Variants in SLC43A2 observed in about 807,000 individuals in gnomAD.
SLC43A2 encodes the protein large neutral amino acids transporter small subunit 4.
SLC43A2 carries 38 observed loss-of-function variants against 63.2 expected under a neutral mutation model. The ratio of observed to expected loss-of-function variants is 0.60; its 90% CI spans 0.46 to 0.79. The LOEUF (loss-of-function observed/expected upper bound fraction) is 0.79, where lower values mean the gene tolerates loss of function less well. Ranked by LOEUF, SLC43A2 falls within the 30% of genes least tolerant of loss-of-function variation. SLC43A2 has a pLI of 0.00. For synonymous variants in SLC43A2, 322 were observed against 331.0 expected (o/e 0.97, Z 0.30); for missense variants, 644 against 756.2 (o/e 0.85, Z 1.74).
At chr17:1,576,059 A>G (rs1300317863) in intron 13 of SLC43A2, among the ~76,000 whole-genome samples, 4 of 142,530 alleles carry the variant, frequency 2.8e-5, no homozygotes, top group African/African-American at 1.0e-4. Context: ...TGGGGCGGGG[A>G]CAGGAACTGT....
At chr17:1,598,131 G>C (rs1357556861) in intron 5 of SLC43A2, among the ~76,000 whole-genome samples, 5 of 151,462 alleles carry the variant, frequency 3.3e-5, no homozygotes, top group African/African-American at 4.9e-5. Context: ...AAGAAAGAAA[G>C]AAAGAAAGGG....
chr17:1,576,453 C>G (rs2075932166), intron 13 of SLC43A2, 144 bp downstream of exon 13: 1 of 858,830 alleles, frequency 1.2e-6, no homozygotes, highest in Non-Finnish European at 1.7e-6. Flanking sequence ...GCCTAGCCAC[C>G]ATTCACAAAG....
chr17:1,575,785 G>C lies in SLC43A2; in HGVS notation c.1549-20C>G. 6.3e-7 allele frequency: 1 copy of C among 1,596,888 alleles called. No homozygotes were observed. Among genetic ancestry groups the C allele is most frequent in the Non-Finnish European group, 8.5e-7 (1 of 1,171,956 alleles). On this transcript the variant is annotated intron_variant, in intron 13 of 13. Coordinates refer to ENST00000301335, the MANE Select transcript of SLC43A2 (RefSeq NM_152346.3). ...GTTCACCTGGGGAGGCAGGGAGGCC[G>C]CGCATCACAGGGCGTGGTGGTGCGC... is the stretch of plus-strand genomic sequence containing the variant.
In SLC43A2 at chr17:1,571,814, C is replaced by T. The variant is rs924361105; in HGVS notation, c.*3790G>A. On this transcript the variant is annotated 3_prime_UTR_variant, in exon 14 of 14. Coordinates refer to ENST00000301335, the MANE Select transcript of SLC43A2 (RefSeq NM_152346.3). This position sits in a 1 kb window ranked among gnomAD's most constrained non-coding sequence, Gnocchi z 5.2. ...GGCAGCAGCAGCTGCAGACAGAGGC[C>T]TAGAGGGTTTGGAGAAGGCCGACCA... is the stretch of plus-strand genomic sequence containing the variant. 6 of 152,294 alleles carry T rather than the reference C, an allele frequency of 3.9e-5. No homozygotes were observed. Among genetic ancestry groups the T allele is most frequent in the Non-Finnish European group, 8.8e-5 (6 of 68,128 alleles). 9.4% of individuals were successfully genotyped at this position (152,294 alleles called of 1,614,324 possible).
rs754642275 is a variant in SLC43A2 at position 1,585,822 on chromosome 17, G to A, written c.1217+91C>T. ...CTGGAGTGCATTGCTCTCTCCCTCT[G>A]TCCCACCCACCCTGTGCCTGACATG... On this transcript the variant is annotated intron_variant, in intron 10 of 13. Transcript: ENST00000301335. The A allele has an allele frequency of 2.2e-5, 36 of 1,605,926 alleles. No homozygotes were observed. In the African/African-American group the frequency reaches 4.4e-4, roughly 20 times the overall value.
chr17:1,586,927 A>AGGGGGCCCCCCCCC, intron 9 of SLC43A2: 7 of 1,355,934 alleles, frequency 5.2e-6, no homozygotes, highest in African/African-American at 2.9e-5. Context: ...TTCCCTGACA[A>AGGGGGCCCCCCCCC]TCCCCCCCAC....
rs1906559177 is a variant in SLC43A2, at chr17:1,605,821, C to G, written c.501+7374G>C. ...ACCTCCAAGCACATGCTGCCCGGGACAAGGTCCTTGTGGTCACCTTTCTGC... is the reference window on the plus strand; with the variant it reads ...ACCTCCAAGCACATGCTGCCCGGGAGAAGGTCCTTGTGGTCACCTTTCTGC... On this transcript the variant is annotated intron_variant, in intron 5 of 13. Transcript: ENST00000301335. The surrounding 1 kb of genome is among the most constrained non-coding windows in gnomAD (Gnocchi z 4.9). Among the ~76,000 whole-genome samples, 1 of 152,176 alleles carries G rather than the reference C, an allele frequency of 6.6e-6. No individual in the cohort carries two copies. The highest frequency in any genetic ancestry group is 2.1e-4 in the South Asian group (1 of 4,830).
In SLC43A2 at chr17:1,571,571, A is replaced by G. The variant is rs921505657; in HGVS notation, c.*4033T>C. 16 of 152,362 alleles carry G rather than the reference A, an allele frequency of 1.1e-4. No individual in the cohort carries two copies. Among genetic ancestry groups the G allele is most frequent in the African/African-American group, 3.8e-4 (16 of 41,578 alleles). 9.4% of individuals were successfully genotyped at this position (152,362 alleles called of 1,614,324 possible). On this transcript the variant is annotated 3_prime_UTR_variant, in exon 14 of 14. Coordinates refer to ENST00000301335, the MANE Select transcript of SLC43A2 (RefSeq NM_152346.3). This position sits in a 1 kb window ranked among gnomAD's most constrained non-coding sequence, Gnocchi z 5.2. Reference sequence around the variant, plus strand: ...GGGACAGTCTTATGCACGTGAGCCCAATACTGGATGTCCCGCCATTTTCAG... The same window carrying G: ...GGGACAGTCTTATGCACGTGAGCCCGATACTGGATGTCCCGCCATTTTCAG...
chr17:1,603,229 C>T (rs904904479), intron 5 of SLC43A2: 1 of 152,022 alleles, frequency 6.6e-6, no homozygotes, highest in African/African-American at 2.4e-5. Context: ...AAAAGGAAGC[C>T]GACTACAGGA....
In SLC43A2 at chr17:1,574,337, C is replaced by T. The variant is rs2075889394; in HGVS notation, c.*1267G>A. On this transcript the variant is annotated 3_prime_UTR_variant, in exon 14 of 14. Coordinates refer to ENST00000301335, the MANE Select transcript of SLC43A2 (RefSeq NM_152346.3). The stretch of plus-strand genomic sequence containing the variant: ...TCGGTGGCAGAGAATCTTGTCCTGC[C>T]TTTTCTTCTCAAGCTCAAAATAGGC... The T allele has an allele frequency of 6.6e-6, 1 of 152,568 alleles. No homozygotes were observed. The highest frequency in any genetic ancestry group is 1.9e-4 in the East Asian group (1 of 5,202). The allele number at this position is 152,568 out of a possible 1,614,324, so 9.5% of individuals were successfully genotyped here. A position where few individuals can be genotyped will look rare whatever the true frequency, so the allele number is the denominator to read the frequency against.
chr17:1,620,374 C>A (rs966015292), intron 2 of SLC43A2, among the ~76,000 whole-genome samples: 2 of 152,078 alleles, frequency 1.3e-5, no homozygotes, highest in African/African-American at 4.8e-5. Context: ...TCTCCAAACA[C>A]ACAAACAAAC....
At chr17:1,569,259 C>T (rs919332352), downstream of SLC43A2, 3 of 152,376 alleles carry the variant, frequency 2.0e-5, no homozygotes, top group South Asian at 2.1e-4. Flanking sequence ...AGGAGGAAGC[C>T]GCTCGCAGTC....
chr17:1,578,104 A>T lies in SLC43A2; in HGVS notation c.1424+146T>A. 2.7e-6 allele frequency: 2 copies of T among 732,408 alleles called. No homozygotes were observed. Among genetic ancestry groups the T allele is most frequent in the South Asian group, 3.8e-5 (2 of 52,818 alleles). 45.4% of individuals were successfully genotyped at this position (732,408 alleles called of 1,614,324 possible). Reference sequence around the variant, plus strand: ...CCTTTCCCTGAAACACCCAGCAGAAACCCTGGTACCTGTCCCCTGAAGCAG... The same window carrying T: ...CCTTTCCCTGAAACACCCAGCAGAATCCCTGGTACCTGTCCCCTGAAGCAG... On this transcript the variant is annotated intron_variant, in intron 12 of 13. Coordinates refer to ENST00000301335, the MANE Select transcript of SLC43A2 (RefSeq NM_152346.3). This position sits in a 1 kb window ranked among gnomAD's most constrained non-coding sequence, Gnocchi z 6.5.
rs1034794727 is a variant in SLC43A2, at chr17:1,593,702, T to C, written c.502-423A>G. On this transcript the variant is annotated intron_variant, in intron 5 of 13. Transcript: ENST00000301335. This position sits in a 1 kb window ranked among gnomAD's most constrained non-coding sequence, Gnocchi z 5.3. ...TAGCATCATTTTATAAATAAAAATA[T>C]CAGCATTCCAGAAAGACCAGATGTC... is the stretch of plus-strand genomic sequence containing the variant. Among the ~76,000 whole-genome samples the C allele has an allele frequency of 3.9e-5, 6 of 152,108 alleles. No individual in the cohort carries two copies. The highest frequency in any genetic ancestry group is 7.2e-5 in the African/African-American group (3 of 41,418).
chr17:1,596,290 G>A (rs1213281657), intron 5 of SLC43A2, among the ~76,000 whole-genome samples: 1 of 151,774 alleles, frequency 6.6e-6, no homozygotes, highest in Non-Finnish European at 1.5e-5. Context: ...CTGCACTCTA[G>A]CCTGGGCAAG....
Position 1,577,157 on chromosome 17 carries a change from C to T in SLC43A2, c.1425-437G>A, listed in dbSNP as rs896781654. On this transcript the variant is annotated intron_variant, in intron 12 of 13. Transcript: ENST00000301335. The surrounding 1 kb of genome is among the most constrained non-coding windows in gnomAD (Gnocchi z 4.9). Reference sequence around the variant, plus strand: ...GGGATTACAGGCGTGAGCCACCGCGCCCGGCCCTGCTGGGTGGTTCTGCAA... The same window carrying T: ...GGGATTACAGGCGTGAGCCACCGCGTCCGGCCCTGCTGGGTGGTTCTGCAA... Among the ~76,000 whole-genome samples the T allele has an allele frequency of 6.6e-6, 1 of 152,206 alleles. No homozygotes were observed. Among genetic ancestry groups the T allele is most frequent in the African/African-American group, 2.4e-5 (1 of 41,448 alleles).
At chr17:1,622,061 G>T (rs1908209493) in intron 2 of SLC43A2, among the ~76,000 whole-genome samples, 1 of 152,224 alleles carries the variant, frequency 6.6e-6, no homozygotes, top group Non-Finnish European at 1.5e-5. Flanking sequence ...GTCTGTGAGG[G>T]AAATGAGGTC....
chr17:1,590,681 T>C (rs1459222949), intron 9 of SLC43A2, 121 bp downstream of exon 9: 1 of 1,281,790 alleles, frequency 7.8e-7, no homozygotes, highest in Non-Finnish European at 1.1e-6. Context: ...AGACAGCTCC[T>C]GGGATGCGGC....
chr17:1,576,044 G>A lies in SLC43A2; in HGVS notation c.1549-279C>T, dbSNP rs975165542. On this transcript the variant is annotated intron_variant, in intron 13 of 13. Coordinates refer to ENST00000301335, the MANE Select transcript of SLC43A2 (RefSeq NM_152346.3). The stretch of plus-strand genomic sequence containing the variant: ...TACCTGGTGAGGAAATCTGGCCCTC[G>A]GAGGTGGGGCGGGGACAGGAACTGT... 7.9e-5 allele frequency among the ~76,000 whole-genome samples: 12 copies of A among 151,742 alleles called. 1 individual carries two copies. Among genetic ancestry groups the A allele is most frequent in the Admixed American group, 4.6e-4 (7 of 15,260 alleles).
Sources: allele counts gnomAD v4.1 joint callset (sites outside exome capture counted in the v4.1 genomes callset), GRCh38; gene constraint gnomAD v4.1.1; non-coding constraint Gnocchi (gnomAD v3.1); transcripts MANE v1.5; gene names NCBI Gene and HGNC (gene_info 2026-07-23, HGNC 2026-07-21).